The following GNA11 variants were observed in gnomAD, a reference collection of about 807,000 sequenced individuals.
The protein encoded by GNA11 is G protein subunit alpha 11.
GNA11 carries 8 observed loss-of-function variants against 38.2 expected under a neutral mutation model. The ratio of observed to expected loss-of-function variants is 0.21; its 90% CI spans 0.12 to 0.38. GNA11 has a LOEUF of 0.38. Ranked by LOEUF, GNA11 falls within the 10% of genes least tolerant of loss-of-function variation. The pLI is 1.00. For synonymous variants in GNA11, 211 were observed against 221.4 expected (o/e 0.95, Z 0.42); for missense variants, 268 against 516.3 (o/e 0.52, Z 4.66).
At position 3,122,271 on chromosome 19, in the gene GNA11, G is replaced by A. The variant is rs1047080954; in HGVS notation, c.*1092G>A. ...GAGAGGCAGAGAGAGGGACGTGGCC[G>A]GCAGCTCTGTGCGTGGCCTTGTCCC... is the stretch of plus-strand genomic sequence containing the variant. On this transcript the variant is annotated 3_prime_UTR_variant, in exon 7 of 7. Coordinates refer to ENST00000078429, the MANE Select transcript of GNA11 (RefSeq NM_002067.5). This position sits in a 1 kb window ranked among gnomAD's most constrained non-coding sequence, Gnocchi z 7.7. 2 of 232,622 alleles carry A rather than the reference G, an allele frequency of 8.6e-6. No individual in the cohort carries two copies. The highest frequency in any genetic ancestry group is 2.2e-5 in the African/African-American group (1 of 45,310). The allele number at this position is 232,622 out of a possible 1,614,324, so 14.4% of individuals were successfully genotyped here. A position where few individuals can be genotyped will look rare whatever the true frequency, so the allele number is the denominator to read the frequency against.
intron 2 of GNA11, among the ~76,000 whole-genome samples, chr19:3,112,647 A>G (rs10413714): frequency 6.6e-6 from 1 of 152,180 alleles, no homozygotes; most frequent in African/African-American, 2.4e-5. Context: ...GCCTGATGCC[A>G]CCCGCCGCCC....
intron 1 of GNA11, among the ~76,000 whole-genome samples, chr19:3,109,168 C>T (rs1031067472): frequency 6.6e-6 from 1 of 152,202 alleles, no homozygotes; most frequent in African/African-American, 2.4e-5. Flanking sequence ...ACTGGAAAAC[C>T]CAGCATTGGC....
At position 3,094,975 on chromosome 19, in the gene GNA11, C is replaced by G. The variant is rs1913329078; in HGVS notation, c.136+188C>G. ...GGGTCGCGGGACCCTCGAGTGTCAGCCCTGCCTGTGCCTTCACTGCCTGTC... is the reference window on the plus strand; with the variant it reads ...GGGTCGCGGGACCCTCGAGTGTCAGGCCTGCCTGTGCCTTCACTGCCTGTC... On this transcript the variant is annotated intron_variant, in intron 1 of 6. Transcript: ENST00000078429. This position sits in a 1 kb window ranked among gnomAD's most constrained non-coding sequence, Gnocchi z 6.0. 6.6e-6 allele frequency among the ~76,000 whole-genome samples: 1 copy of G among 151,370 alleles called. No individual in the cohort carries two copies. The highest frequency in any genetic ancestry group is 2.4e-5 in the African/African-American group (1 of 41,112).
Position 3,121,416 on chromosome 19 carries a change from A to C in GNA11, c.*237A>C, listed in dbSNP as rs1335855869. ...CTCACCTTTTGTCAACGGCAAAGGC[A>C]GCCTTTTTCTGGCCTTGACTTATGG... On this transcript the variant is annotated 3_prime_UTR_variant, in exon 7 of 7. Transcript: ENST00000078429. The C allele has an allele frequency of 1.1e-5, 4 of 352,376 alleles. No individual in the cohort carries two copies. The highest frequency in any genetic ancestry group is 1.5e-5 in the Non-Finnish European group (3 of 198,106). The allele number at this position is 352,376 out of a possible 1,614,324, so 21.8% of individuals were successfully genotyped here.
rs532172527 is a variant in GNA11 at position 3,122,718 on chromosome 19, G to A, written c.*1539G>A. 2.1e-5 allele frequency: 5 copies of A among 233,452 alleles called. No individual in the cohort carries two copies. Among genetic ancestry groups the A allele is most frequent in the Middle Eastern group, 1.3e-3 (1 of 790 alleles). 14.5% of individuals were successfully genotyped at this position (233,452 alleles called of 1,614,324 possible). On this transcript the variant is annotated 3_prime_UTR_variant, in exon 7 of 7. Transcript: ENST00000078429. The surrounding 1 kb of genome is among the most constrained non-coding windows in gnomAD (Gnocchi z 7.7). ...ACCCTGCACGGCTGCTTCTGGCCTC[G>A]ACAGATGACAAAAGAAACAGCCCCA...
At chr19:3,098,294 G>A (rs908259398) in intron 1 of GNA11, among the ~76,000 whole-genome samples, 5 of 152,224 alleles carry the variant, frequency 3.3e-5, no homozygotes, top group African/African-American at 9.6e-5. Flanking sequence ...GCCTCCGTCC[G>A]CGCCGCCGCC....
chr19:3,094,593 CG>C lies in GNA11; in HGVS notation c.-56del. On this transcript the variant is annotated 5_prime_UTR_variant, in exon 1 of 7. Coordinates refer to ENST00000078429, the MANE Select transcript of GNA11 (RefSeq NM_002067.5). This position sits in a 1 kb window ranked among gnomAD's most constrained non-coding sequence, Gnocchi z 6.0. ...CGGCCGAGGCGGCTCCGGCCAGGGC[CG>C]GGCCGGGGGCCGGGGGGCGGCGGCG... The C allele has an allele frequency of 1.1e-6, 1 of 902,752 alleles. No homozygotes were observed. The highest frequency in any genetic ancestry group is 1.3e-6 in the Non-Finnish European group (1 of 748,536). 55.9% of individuals were successfully genotyped at this position (902,752 alleles called of 1,614,324 possible). A position where few individuals can be genotyped will look rare whatever the true frequency, so the allele number is the denominator to read the frequency against.
intron 1 of GNA11, among the ~76,000 whole-genome samples, chr19:3,104,029 C>A (rs928539167): frequency 5.3e-5 from 8 of 152,270 alleles, no homozygotes; most frequent in African/African-American, 1.9e-4. Context: ...ACCATGTTGG[C>A]TAGGCTGGTC....
At chr19:3,116,094 C>A (rs1050553363) in intron 4 of GNA11, among the ~76,000 whole-genome samples, 49 of 152,092 alleles carry the variant, frequency 3.2e-4, no homozygotes, top group African/African-American at 1.2e-3. Context: ...TGCTGGGCCT[C>A]CGGGGCTCCA....
intron 3 of GNA11, among the ~76,000 whole-genome samples, chr19:3,114,209 G>A (rs1043983077): frequency 2.0e-4 from 30 of 152,112 alleles, no homozygotes; most frequent in Admixed American, 1.3e-4. Flanking sequence ...GGAACAAAAC[G>A]CCAGGGCCTC....
intron 2 of GNA11, among the ~76,000 whole-genome samples, chr19:3,111,147 CCT>C (rs113896380): frequency 0.086 from 13,060 of 151,918 alleles, 1,314 homozygotes; most frequent in African/African-American, 0.21. Flanking sequence ...CATTTGATGC[CCT>C]GTTTTTAAAT....
intron 4 of GNA11, chr19:3,118,640 C>G: frequency 2.6e-6 from 1 of 385,140 alleles, no homozygotes; most frequent in Non-Finnish European, 4.7e-6. Flanking sequence ...AGCTGGCGCC[C>G]AGAATCCTCT....
chr19:3,107,306 C>A (rs1394922951), intron 1 of GNA11, among the ~76,000 whole-genome samples: 1 of 152,224 alleles, frequency 6.6e-6, no homozygotes, highest in Admixed American at 6.5e-5. Context: ...TGTGGCGTTT[C>A]AGACTCCTTC....
At position 3,105,053 on chromosome 19, in the gene GNA11, C is replaced by T. The variant is rs540688541; in HGVS notation, c.137-5096C>T. Among the ~76,000 whole-genome samples the T allele has an allele frequency of 9.6e-4, 57 of 59,560 alleles. 2 individuals carry two copies. The South Asian group carries it at 0.033, about 35-fold the overall frequency. 39.1% of individuals were successfully genotyped at this position (59,560 alleles called of 152,430 possible). On this transcript the variant is annotated intron_variant, in intron 1 of 6. Transcript: ENST00000078429. ...AGGCAGGAACCTGGGGGTCTCACAG[C>T]GGGACCGGTGGTGGGTGTGGCCTCG...
intron 4 of GNA11, among the ~76,000 whole-genome samples, chr19:3,115,837 C>CTGAGTGGGGAGGAGGGGTCATAGGGAG: frequency 1.9e-5 from 1 of 53,350 alleles, no homozygotes; most frequent in African/African-American, 1.3e-4. Flanking sequence ...GTCATAGGGA[C>CTGAGTGGGGAGGAGGGGTCATAGGGAG]TGAGTGGGGA....
chr19:3,099,827 A>G (rs1599296295), intron 1 of GNA11, among the ~76,000 whole-genome samples: 1 of 152,180 alleles, frequency 6.6e-6, no homozygotes, highest in Non-Finnish European at 1.5e-5. Flanking sequence ...GGCCACCTGC[A>G]GGGCCTGGGA....
intron 4 of GNA11, among the ~76,000 whole-genome samples, chr19:3,115,609 C>T (rs906312150): frequency 9.9e-5 from 15 of 151,290 alleles, no homozygotes; most frequent in African/African-American, 2.4e-4. Flanking sequence ...GCCTCCAGGA[C>T]GGGCCGGGGG....
rs770247248 is a variant in GNA11 at position 3,121,106 on chromosome 19, A to G, written c.1007A>G (p.Asn336Ser). 1 of 1,613,790 alleles carries G rather than the reference A, an allele frequency of 6.2e-7. No individual in the cohort carries two copies. The highest frequency in any genetic ancestry group is 1.7e-4 in the Middle Eastern group (1 of 6,058). The change falls in exon 7 of 7, where the codon AAC (asparagine) becomes AGC (serine). Residue 336 changes from asparagine to serine, a missense_variant. By Grantham distance (46) the Asn-to-Ser change is conservative (BLOSUM62 1). Coordinates refer to ENST00000078429, the MANE Select transcript of GNA11 (RefSeq NM_002067.5). ...TTCACGTGTGCCACCGACACGGAGA[A>G]CATCCGCTTCGTGTTCGCGGCCGTG... ...SHFTCATDTE[N>S]IRFVFAAVKD...
At chr19:3,104,825 C>T (rs1913598920) in intron 1 of GNA11, among the ~76,000 whole-genome samples, 2 of 152,326 alleles carry the variant, frequency 1.3e-5, no homozygotes, top group African/African-American at 4.8e-5. Flanking sequence ...AGGGCCTGTG[C>T]TGTGGGGGTG....
Sources: allele counts gnomAD v4.1 joint callset (sites outside exome capture counted in the v4.1 genomes callset), GRCh38; gene constraint gnomAD v4.1.1; non-coding constraint Gnocchi (gnomAD v3.1); transcripts MANE v1.5; gene names NCBI Gene and HGNC (gene_info 2026-07-23, HGNC 2026-07-21).